ACSM3: variants seen among roughly 807,000 people sequenced by gnomAD.
The protein encoded by ACSM3 is acyl-CoA synthetase medium chain family member 3.
Under a neutral mutation model 74.1 loss-of-function variants are expected in ACSM3, and 61 were observed. The observed-to-expected ratio is 0.82, with a 90% CI of 0.67 to 1.02. The LOEUF is 1.02. Ranked by LOEUF, ACSM3 falls within the 50% of genes least tolerant of loss-of-function variation. The pLI is 0.00. For missense variants in ACSM3, 660 were observed against 697.0 expected, an observed-to-expected ratio of 0.95 and a Z score of 0.60; for synonymous variants, 213 against 241.5, an observed-to-expected ratio of 0.88 and a Z score of 1.09.
intron 1 of ACSM3, among the ~76,000 whole-genome samples, chr16:20,700,818 G>A (rs748765543): frequency 5.3e-5 from 8 of 152,116 alleles, no homozygotes; most frequent in Non-Finnish European, 1.0e-4. Context: ...TTCAGAAAAA[G>A]AGGTCAGATT....
chr16:20,760,844 G>A (rs948848863), upstream of ACSM3, among the ~76,000 whole-genome samples: 12 of 152,036 alleles, frequency 7.9e-5, no homozygotes, highest in African/African-American at 1.2e-4. Flanking sequence ...ACCTTTTAAC[G>A]TCTAATAAGA....
Position 20,769,965 on chromosome 16 carries a change from CT to C in ACSM3, c.-51-14del, listed in dbSNP as rs1567345491. On this transcript the variant is annotated intron_variant, in intron 1 of 13. Transcript: ENST00000289416. ...TTCAGGACAGAAACAAATATATGTC[CT>C]TTTTGCTTGTCTTTTAGATGAACTG... 32 of 1,514,450 alleles carry C rather than the reference CT, an allele frequency of 2.1e-5. No individual in the cohort carries two copies. The highest frequency in any genetic ancestry group is 2.9e-5 in the Non-Finnish European group (32 of 1,093,798). 93.8% of individuals were successfully genotyped at this position (1,514,450 alleles called of 1,614,324 possible).
In ACSM3 at chr16:20,792,233, T is replaced by C. The variant is rs1285732131; in HGVS notation, c.1455-3T>C. ...TATGTATTCCTGCCATATGTGTTTC[T>C]AGCTATCGAATTGGACCATTTGAGG... On this transcript the variant is annotated splice_region_variant and splice_polypyrimidine_tract_variant and intron_variant, in intron 11 of 13. Coordinates refer to ENST00000289416, the MANE Select transcript of ACSM3 (RefSeq NM_005622.4). The C allele has an allele frequency of 2.5e-6, 4 of 1,614,132 alleles. No homozygotes were observed. The highest frequency in any genetic ancestry group is 1.7e-5 in the Admixed American group (1 of 60,016).
chr16:20,744,394 TTA>T (rs1164516815), intron 1 of ACSM3, among the ~76,000 whole-genome samples: 1 of 152,198 alleles, frequency 6.6e-6, no homozygotes, highest in African/African-American at 2.4e-5. Flanking sequence ...TTTTTTATTT[TTA>T]TGTTTTTTGA....
intron 1 of ACSM3, chr16:20,718,597 C>A: frequency 4.9e-6 from 1 of 203,866 alleles, no homozygotes; most frequent in Non-Finnish European, 9.8e-6. Context: ...AAGATATTGC[C>A]AATTAATTGC....
In ACSM3 at chr16:20,713,568, A is replaced by C. The variant is rs187721877; in HGVS notation, c.-189-36342A>C. Among the ~76,000 whole-genome samples the C allele has an allele frequency of 9.9e-5, 15 of 152,220 alleles. No homozygotes were observed. In the East Asian group the frequency reaches 1.7e-3, roughly 18 times the overall value. On this transcript the variant is annotated intron_variant, in intron 1 of 3. Coordinates refer to the ACSM3 transcript ENST00000561584. ...CCTGTCTAGAAAACACAAAACACAT[A>C]ATTTTCAATTCTTGTCTCTTCTCTA...
intron 1 of ACSM3, among the ~76,000 whole-genome samples, chr16:20,722,521 A>G (rs1211651751): frequency 6.6e-6 from 1 of 152,212 alleles, no homozygotes; most frequent in Non-Finnish European, 1.5e-5. Flanking sequence ...GAGCCCAGCA[A>G]ATGTTTAAAA....
chr16:20,680,229 A>G (rs1258286515), intron 1 of ACSM3: 2 of 152,246 alleles, frequency 1.3e-5, no homozygotes, highest in Admixed American at 6.5e-5. Context: ...TCTACAGGAC[A>G]GACAGCACTA....
intron 1 of ACSM3, among the ~76,000 whole-genome samples, chr16:20,690,114 TG>T (rs2079626068): frequency 6.6e-6 from 1 of 152,166 alleles, no homozygotes; most frequent in Admixed American, 6.5e-5. Flanking sequence ...AAGAAGGTGG[TG>T]GGGAGGAAGA....
intron 13 of ACSM3, 179 bp downstream of exon 13, chr16:20,796,668 T>C (rs2080729995): frequency 3.4e-6 from 5 of 1,477,432 alleles, no homozygotes; most frequent in Admixed American, 2.8e-5. Flanking sequence ...TGAACCTATT[T>C]TGTTTGGTCC....
At chr16:20,725,638 C>T (rs967963701) in intron 1 of ACSM3, among the ~76,000 whole-genome samples, 2 of 152,232 alleles carry the variant, frequency 1.3e-5, no homozygotes, top group Admixed American at 6.5e-5. Flanking sequence ...AGACTCTACT[C>T]GATGCCAGTA....
intron 7 of ACSM3, among the ~76,000 whole-genome samples, chr16:20,783,987 G>T (rs966021076): frequency 5.9e-5 from 9 of 152,110 alleles, no homozygotes; most frequent in South Asian, 4.2e-4. Flanking sequence ...TGTATTTTTA[G>T]TGGAGATGGG....
At chr16:20,736,015 G>A in intron 1 of ACSM3, 1 of 152,086 alleles carries the variant, frequency 6.6e-6, no homozygotes, top group East Asian at 1.9e-4. Flanking sequence ...AAGCCTTACT[G>A]TTTTTGATAG....
At chr16:20,706,455 G>A (rs2079728612) in intron 1 of ACSM3, among the ~76,000 whole-genome samples, 1 of 152,174 alleles carries the variant, frequency 6.6e-6, no homozygotes, top group Admixed American at 6.5e-5. Context: ...TTCCCCAATG[G>A]CAACAATAAT....
intron 1 of ACSM3, among the ~76,000 whole-genome samples, chr16:20,717,714 A>C (rs185589217): frequency 1.5e-3 from 222 of 152,280 alleles, no homozygotes; most frequent in Non-Finnish European, 2.6e-3. Context: ...CACTTGGAAA[A>C]AAAATCTTAC....
chr16:20,742,740 A>G (rs1189736819), intron 1 of ACSM3, among the ~76,000 whole-genome samples: 1 of 150,366 alleles, frequency 6.7e-6, no homozygotes, highest in Non-Finnish European at 1.5e-5. Context: ...TCTGGAGCCC[A>G]GGCTGTTGCT....
At chr16:20,774,926 A>G (rs888361154) in intron 2 of ACSM3, among the ~76,000 whole-genome samples, 3 of 152,202 alleles carry the variant, frequency 2.0e-5, no homozygotes, top group Admixed American at 1.3e-4. Flanking sequence ...CTCTGCCACT[A>G]GAGGGGGCAA....
intron 1 of ACSM3, among the ~76,000 whole-genome samples, chr16:20,723,050 C>G (rs1466325733): frequency 6.6e-6 from 1 of 152,004 alleles, no homozygotes; most frequent in African/African-American, 2.4e-5. Flanking sequence ...CACCCCACAA[C>G]AGGCCCCAGT....
chr16:20,683,084 A>G (rs1327277777), intron 1 of ACSM3, among the ~76,000 whole-genome samples: 1 of 151,458 alleles, frequency 6.6e-6, no homozygotes, highest in Non-Finnish European at 1.5e-5. Context: ...ATAAACATTG[A>G]CTTTTTTTTC....
Sources: gnomAD v4.1 joint callset for allele counts (sites outside exome capture counted in the v4.1 genomes callset) on GRCh38, gnomAD v4.1.1 for gene constraint, MANE v1.5 for transcripts, NCBI Gene and HGNC (gene_info 2026-07-23, HGNC 2026-07-21) for gene names.